STIM2: variants seen among roughly 807,000 people sequenced by gnomAD.
STIM2 encodes stromal interaction molecule 2.
STIM2 carries 31 observed loss-of-function variants against 85.8 expected under a neutral mutation model. The observed-to-expected ratio is 0.36, with a 90% CI of 0.27 to 0.49. The LOEUF is 0.49. Among genes scored for constraint, STIM2 ranks in the 20% least tolerant of loss-of-function variants. STIM2 has a pLI of 0.98. For synonymous variants in STIM2, 356 were observed against 331.1 expected (o/e 1.08, Z -0.82); for missense variants, 841 against 927.6 (o/e 0.91, Z 1.21).
chr4:26,894,433 A>G (rs1346943714), intron 1 of STIM2, among the ~76,000 whole-genome samples: 1 of 152,006 alleles, frequency 6.6e-6, no homozygotes, highest in African/African-American at 2.4e-5. Flanking sequence ...TTTGTATTTC[A>G]AATTCAGGTT....
chr4:26,997,771 G>T (rs1728011215), intron 4 of STIM2, among the ~76,000 whole-genome samples: 1 of 152,204 alleles, frequency 6.6e-6, no homozygotes, highest in African/African-American at 2.4e-5. Context: ...TTTGATAAGT[G>T]TCATGTTAAA....
intron 1 of STIM2, among the ~76,000 whole-genome samples, chr4:26,865,145 T>C (rs1320819986): frequency 6.6e-6 from 1 of 152,186 alleles, no homozygotes; most frequent in Non-Finnish European, 1.5e-5. Flanking sequence ...CTTTCCCCTT[T>C]AGTATCATTA....
intron 3 of STIM2, among the ~76,000 whole-genome samples, chr4:26,990,386 GA>G (rs1453686296): frequency 1.3e-5 from 2 of 152,122 alleles, no homozygotes; most frequent in African/African-American, 4.8e-5. Flanking sequence ...ATGGTGCTAG[GA>G]AAACTGGATA....
At chr4:26,927,703 A>C (rs1338912761) in intron 2 of STIM2, among the ~76,000 whole-genome samples, 4 of 129,000 alleles carry the variant, frequency 3.1e-5, no homozygotes, top group Admixed American at 7.7e-5. Context: ...AAAAAAAAAA[A>C]AAAACTTGAA....
At chr4:27,006,936 A>G (rs1442916604) in intron 7 of STIM2, among the ~76,000 whole-genome samples, 1 of 152,208 alleles carries the variant, frequency 6.6e-6, no homozygotes, top group African/African-American at 2.4e-5. Context: ...AGGCAGATAT[A>G]CTTGGAAACA....
Position 26,874,818 on chromosome 4 carries a change from T to C in STIM2, c.151+13449T>C, listed in dbSNP as rs77938514. Among the ~76,000 whole-genome samples, 613 of 152,286 alleles carry C rather than the reference T, an allele frequency of 4.0e-3. 7 individuals are homozygous for C. The highest frequency in any genetic ancestry group is 0.014 in the African/African-American group (582 of 41,560). On this transcript the variant is annotated intron_variant, in intron 1 of 11. Coordinates refer to ENST00000467087, the MANE Select transcript of STIM2 (RefSeq NM_020860.4). Reference sequence around the variant, plus strand: ...AACAAATGTTTGAATGTCTGCTGTGTGCTAGACAGCAGACACTTTTTAGGT... The same window carrying C: ...AACAAATGTTTGAATGTCTGCTGTGCGCTAGACAGCAGACACTTTTTAGGT...
chr4:26,904,457 C>T lies in STIM2; in HGVS notation c.152-15047C>T, dbSNP rs1231857932. On this transcript the variant is annotated intron_variant, in intron 1 of 11. Coordinates refer to ENST00000467087, the MANE Select transcript of STIM2 (RefSeq NM_020860.4). ...GGAGCAGTCAGTAAGGAGAACAAGG[C>T]TATTGTGCTGTCTTGGAAATTAAAT... 2.6e-5 allele frequency among the ~76,000 whole-genome samples: 4 copies of T among 152,094 alleles called. No individual in the cohort carries two copies. The East Asian group carries it at 7.7e-4, about 29-fold the overall frequency.
intron 10 of STIM2, among the ~76,000 whole-genome samples, chr4:27,010,870 G>C (rs1005889951): frequency 6.6e-6 from 1 of 151,306 alleles, no homozygotes; most frequent in Non-Finnish European, 1.5e-5. Context: ...TAGGGGAATG[G>C]GTGTTGTTTT....
At position 26,861,381 on chromosome 4, in the gene STIM2, G is replaced by A; in HGVS notation, c.151+12G>A. 7.8e-7 allele frequency: 1 copy of A among 1,289,464 alleles called. No individual in the cohort carries two copies. Among genetic ancestry groups the A allele is most frequent in the Non-Finnish European group, 9.8e-7 (1 of 1,022,808 alleles). 79.9% of individuals were successfully genotyped at this position (1,289,464 alleles called of 1,614,324 possible). The stretch of plus-strand genomic sequence containing the variant: ...GGCGCTCATGACAGGTGAGGGGCCG[G>A]GGGGCGGCGGGCGGGGCTCGGCCGG... On this transcript the variant is annotated intron_variant, in intron 1 of 11. Transcript: ENST00000467087.
chr4:26,910,772 A>G (rs1724305489), intron 1 of STIM2, among the ~76,000 whole-genome samples: 1 of 152,124 alleles, frequency 6.6e-6, no homozygotes, highest in Non-Finnish European at 1.5e-5. Flanking sequence ...TCTGGTTCCC[A>G]CCTATAGAGA....
chr4:26,878,680 T>A (rs1232350161), intron 1 of STIM2, among the ~76,000 whole-genome samples: 4 of 152,206 alleles, frequency 2.6e-5, no homozygotes, highest in Middle Eastern at 3.2e-3. Flanking sequence ...CACACTGCTA[T>A]AAAGATACTA....
At chr4:26,960,706 G>A (rs1223542238) in intron 3 of STIM2, among the ~76,000 whole-genome samples, 1 of 152,044 alleles carries the variant, frequency 6.6e-6, no homozygotes, top group Non-Finnish European at 1.5e-5. Flanking sequence ...GGGAAAAATG[G>A]GACTGAAGGA....
At chr4:26,884,872 A>G (rs1269895289) in intron 1 of STIM2, among the ~76,000 whole-genome samples, 1 of 152,256 alleles carries the variant, frequency 6.6e-6, no homozygotes, top group Non-Finnish European at 1.5e-5. Context: ...ACGAGTTCAC[A>G]GAACTGGCAA....
chr4:26,996,608 AT>A (rs1727968586), intron 4 of STIM2, among the ~76,000 whole-genome samples: 1 of 152,110 alleles, frequency 6.6e-6, no homozygotes, highest in South Asian at 2.1e-4. Flanking sequence ...GAATGATGAA[AT>A]TATAGGGATA....
intron 3 of STIM2, among the ~76,000 whole-genome samples, chr4:26,961,629 A>G (rs558866465): frequency 6.6e-6 from 1 of 152,328 alleles, no homozygotes; most frequent in African/African-American, 2.4e-5. Flanking sequence ...AATAGCAGTA[A>G]GTTTAGGGTA....
At chr4:27,011,959 GT>G (rs1384976266) in intron 10 of STIM2, among the ~76,000 whole-genome samples, 1 of 152,052 alleles carries the variant, frequency 6.6e-6, no homozygotes, top group African/African-American at 2.4e-5. Context: ...GAGTTTTTAA[GT>G]TTTTCTTTAA....
At chr4:26,871,872 G>C (rs1341973431) in intron 1 of STIM2, among the ~76,000 whole-genome samples, 1 of 152,098 alleles carries the variant, frequency 6.6e-6, no homozygotes, top group African/African-American at 2.4e-5. Context: ...GTGTGATGAA[G>C]AGCATAGCCT....
chr4:26,885,222 C>T (rs1252818753), intron 1 of STIM2, among the ~76,000 whole-genome samples: 1 of 152,020 alleles, frequency 6.6e-6, no homozygotes, highest in South Asian at 2.1e-4. Context: ...TACTTAAATA[C>T]AGTATAACAG....
intron 1 of STIM2, among the ~76,000 whole-genome samples, chr4:26,904,596 C>A (rs567558380): frequency 5.9e-4 from 89 of 152,064 alleles, no homozygotes; most frequent in African/African-American, 2.1e-3. Flanking sequence ...CTTGACCAGG[C>A]CAGTTTTGGT....
Sources: allele counts gnomAD v4.1 joint callset (sites outside exome capture counted in the v4.1 genomes callset), GRCh38; gene constraint gnomAD v4.1.1; transcripts MANE v1.5; gene names NCBI Gene and HGNC (gene_info 2026-07-23, HGNC 2026-07-21).